The following TOX variants were observed in gnomAD, a reference collection of about 807,000 sequenced individuals.
The protein encoded by TOX is thymocyte selection associated high mobility group box.
TOX carries 11 observed loss-of-function variants against 53.7 expected under a neutral mutation model. That is an observed-to-expected ratio of 0.20 (90% CI 0.13 to 0.34). TOX has a LOEUF of 0.34. Among genes scored for constraint, TOX ranks in the 10% least tolerant of loss-of-function variants. The pLI is 1.00. For missense variants in TOX, 570 were observed against 664.6 expected (o/e 0.86, Z 1.56); for synonymous variants, 225 against 245.3 (o/e 0.92, Z 0.77).
chr8:59,084,636 G>C (rs962449970), intron 1 of TOX, among the ~76,000 whole-genome samples: 2 of 152,102 alleles, frequency 1.3e-5, no homozygotes, highest in Non-Finnish European at 2.9e-5. Context: ...AATAGATTGG[G>C]AGGACTCCTT....
chr8:59,011,058 C>T (rs1048399150), intron 1 of TOX, among the ~76,000 whole-genome samples: 3 of 152,168 alleles, frequency 2.0e-5, no homozygotes, highest in African/African-American at 7.2e-5. Context: ...CATGGAAAAA[C>T]CATGAGGTTA....
chr8:59,102,202 G>C (rs950206507), intron 1 of TOX, among the ~76,000 whole-genome samples: 1 of 151,924 alleles, frequency 6.6e-6, no homozygotes, highest in African/African-American at 2.4e-5. Context: ...ACAAAAGAGA[G>C]CTTGTACAGA....
At chr8:58,849,269 A>G (rs1486966548) in intron 4 of TOX, among the ~76,000 whole-genome samples, 3 of 152,190 alleles carry the variant, frequency 2.0e-5, no homozygotes, top group Non-Finnish European at 4.4e-5. Context: ...AATTCGTATG[A>G]ATGTTTGTGC....
intron 3 of TOX, among the ~76,000 whole-genome samples, chr8:58,930,132 T>C (rs1812235276): frequency 6.6e-6 from 1 of 152,230 alleles, no homozygotes; most frequent in African/African-American, 2.4e-5. Flanking sequence ...CCATGATAAA[T>C]GACATTGTAC....
At chr8:58,897,281 C>G (rs4738731) in intron 3 of TOX, among the ~76,000 whole-genome samples, 83,940 of 151,998 alleles carry the variant, frequency 0.55, 23,678 homozygotes, top group African/African-American at 0.66. Context: ...AAGTGAAATT[C>G]AATGTACCTG....
At chr8:58,984,834 G>A (rs1813297034) in intron 1 of TOX, among the ~76,000 whole-genome samples, 1 of 148,534 alleles carries the variant, frequency 6.7e-6, no homozygotes, top group African/African-American at 2.5e-5. Flanking sequence ...AGAAAATAAG[G>A]ATGTGGAGAA....
chr8:59,046,965 T>C (rs1385988739), intron 1 of TOX, among the ~76,000 whole-genome samples: 2 of 151,198 alleles, frequency 1.3e-5, no homozygotes, highest in Non-Finnish European at 2.9e-5. Flanking sequence ...CGCAGTGACA[T>C]GTTTTAAAAA....
intron 3 of TOX, among the ~76,000 whole-genome samples, chr8:58,855,159 T>C (rs1288092662): frequency 1.3e-5 from 2 of 152,214 alleles, no homozygotes; most frequent in African/African-American, 4.8e-5. Context: ...TTCTCTTTTT[T>C]CTACAACGTC....
At chr8:59,111,930 A>C (rs1300253899) in intron 1 of TOX, among the ~76,000 whole-genome samples, 1 of 152,190 alleles carries the variant, frequency 6.6e-6, no homozygotes, top group African/African-American at 2.4e-5. Context: ...AACAAACAGA[A>C]AAAAGCATTA....
chr8:58,945,093 A>G (rs937325412), intron 2 of TOX, among the ~76,000 whole-genome samples: 2 of 152,220 alleles, frequency 1.3e-5, no homozygotes, highest in Non-Finnish European at 2.9e-5. Flanking sequence ...GCATGTGCAG[A>G]GGCCCAACAA....
rs184385520 is a variant in TOX, at chr8:58,935,782, T to G, written c.411+3520A>C. ...ATGAGCAAACTTGCTAGCAAAGAGT[T>G]TTAGTAAGTTTTTACAAGGAAGTGT... On this transcript the variant is annotated intron_variant, in intron 3 of 8. Coordinates refer to ENST00000361421, the MANE Select transcript of TOX (RefSeq NM_014729.3). 1.6e-3 allele frequency among the ~76,000 whole-genome samples: 237 copies of G among 152,308 alleles called. 2 individuals are homozygous for G. Among genetic ancestry groups the G allele is most frequent in the Admixed American group, 2.7e-3 (42 of 15,296 alleles).
chr8:58,826,437 C>T (rs1292895989), intron 6 of TOX, among the ~76,000 whole-genome samples: 2 of 152,166 alleles, frequency 1.3e-5, no homozygotes, highest in Middle Eastern at 3.2e-3. Flanking sequence ...TGCTTACCTC[C>T]TAATGCTGCT....
intron 2 of TOX, among the ~76,000 whole-genome samples, chr8:58,947,151 T>C (rs919471804): frequency 1.3e-5 from 2 of 152,158 alleles, no homozygotes; most frequent in African/African-American, 2.4e-5. Context: ...GTAGCATTAT[T>C]GTTTTTTATT....
intron 1 of TOX, among the ~76,000 whole-genome samples, chr8:59,027,804 C>T (rs966686753): frequency 1.2e-4 from 19 of 152,096 alleles, no homozygotes; most frequent in African/African-American, 4.3e-4. Context: ...TGATCCTCAT[C>T]AAGAGATGAA....
chr8:59,077,179 A>G (rs1028314465), intron 1 of TOX, among the ~76,000 whole-genome samples: 4 of 152,246 alleles, frequency 2.6e-5, no homozygotes, highest in Non-Finnish European at 5.9e-5. Flanking sequence ...CCACAGGCAC[A>G]GATAACCACC....
rs574649205 is a variant in TOX at position 58,878,421 on chromosome 8, T to A, written c.412-26616A>T. ...GGTCTATCATCTTTCTTCTCAATCATCTTTAAAACTAGTGAGGCTTACTCA... is the reference window on the plus strand; with the variant it reads ...GGTCTATCATCTTTCTTCTCAATCAACTTTAAAACTAGTGAGGCTTACTCA... On this transcript the variant is annotated intron_variant, in intron 3 of 8. Transcript: ENST00000361421. Among the ~76,000 whole-genome samples, 3 of 152,340 alleles carry A rather than the reference T, an allele frequency of 2.0e-5. No homozygotes were observed. In the South Asian group the frequency reaches 6.2e-4, roughly 32 times the overall value.
chr8:58,892,951 C>T (rs930555102), intron 3 of TOX, among the ~76,000 whole-genome samples: 2 of 152,034 alleles, frequency 1.3e-5, no homozygotes, highest in South Asian at 4.1e-4. Flanking sequence ...GCTACAGAAC[C>T]GTGTAATTAC....
intron 5 of TOX, among the ~76,000 whole-genome samples, chr8:58,830,587 C>T (rs556429655): frequency 4.3e-4 from 66 of 152,276 alleles, no homozygotes; most frequent in African/African-American, 1.6e-3. Context: ...CTTTCTGCTT[C>T]TTCCCTAAAC....
intron 1 of TOX, among the ~76,000 whole-genome samples, chr8:59,103,918 T>C (rs963378827): frequency 2.0e-5 from 3 of 152,350 alleles, no homozygotes; most frequent in Admixed American, 1.3e-4. Flanking sequence ...TTAATATTCA[T>C]GCTAATGTCT....
Sources: allele counts gnomAD v4.1 joint callset (sites outside exome capture counted in the v4.1 genomes callset), GRCh38; gene constraint gnomAD v4.1.1; transcripts MANE v1.5; gene names NCBI Gene and HGNC (gene_info 2026-07-23, HGNC 2026-07-21).